TTC6: variants seen among roughly 807,000 people sequenced by gnomAD.
The protein encoded by TTC6 is tetratricopeptide repeat domain 6.
A neutral mutation model predicts 210.4 loss-of-function variants in TTC6; 172 were observed. That is an observed-to-expected ratio of 0.82 (90% CI 0.72 to 0.93). The LOEUF (loss-of-function observed/expected upper bound fraction) is 0.93, where lower values mean the gene tolerates loss of function less well. Ranked by LOEUF, TTC6 falls within the 40% of genes least tolerant of loss-of-function variation. The pLI is 0.00. For missense variants in TTC6, 2,414 were observed against 2,318.1 expected (o/e 1.04, Z -0.85); for synonymous variants, 804 against 819.6 (o/e 0.98, Z 0.32).
rs1369989584 is a variant in TTC6 at position 37,714,611 on chromosome 14, T to C, written c.1572-44T>C. On this transcript the variant is annotated intron_variant, in intron 5 of 30. Coordinates refer to ENST00000553443, the Ensembl canonical transcript of TTC6. ...ATGAGGGCAAACACCTTATACTTTG[T>C]CAATTACTTAAAAAGCAAACTTATT... 3 of 1,498,108 alleles carry C rather than the reference T, an allele frequency of 2.0e-6. No individual in the cohort carries two copies. In the Admixed American group the frequency reaches 6.1e-5, roughly 31 times the overall value. 92.8% of individuals were successfully genotyped at this position (1,498,108 alleles called of 1,614,324 possible).
At position 37,776,846 on chromosome 14, in the gene TTC6, G is replaced by A. The variant is rs1373260775; in HGVS notation, c.3267-10622G>A. 3.9e-5 allele frequency among the ~76,000 whole-genome samples: 6 copies of A among 152,008 alleles called. No individual in the cohort carries two copies. In the South Asian group the frequency reaches 6.2e-4, roughly 16 times the overall value. ...GGGCGGGCTGAGGTTGCAGTGAGCC[G>A]AGATGGCACCATTTAACTCTAGCCT... On this transcript the variant is annotated intron_variant, in intron 14 of 30. Coordinates refer to ENST00000553443, the Ensembl canonical transcript of TTC6.
At chr14:37,767,052 T>C (rs2096001645) in intron 14 of TTC6, among the ~76,000 whole-genome samples, 1 of 152,150 alleles carries the variant, frequency 6.6e-6, no homozygotes, top group Non-Finnish European at 1.5e-5. Flanking sequence ...ATGCGGTGTT[T>C]GGTTTTTTGT....
intron 14 of TTC6, among the ~76,000 whole-genome samples, chr14:37,766,314 G>A (rs926755098): frequency 6.6e-6 from 1 of 152,116 alleles, no homozygotes; most frequent in Non-Finnish European, 1.5e-5. Flanking sequence ...CATCACCAAG[G>A]TGATAAGCAC....
At chr14:37,619,166 A>G (rs2095647317), upstream of TTC6, among the ~76,000 whole-genome samples, 1 of 152,212 alleles carries the variant, frequency 6.6e-6, no homozygotes, top group East Asian at 1.9e-4. Flanking sequence ...GAAAACTGGC[A>G]ACAGATTATT....
At chr14:37,734,159 C>T (rs887799356) in intron 7 of TTC6, among the ~76,000 whole-genome samples, 3 of 152,166 alleles carry the variant, frequency 2.0e-5, no homozygotes, top group Non-Finnish European at 4.4e-5. Context: ...TATTCAGAGA[C>T]AGCTTTAATC....
At chr14:37,706,203 C>T (rs566468867) in intron 5 of TTC6, among the ~76,000 whole-genome samples, 1 of 152,238 alleles carries the variant, frequency 6.6e-6, no homozygotes, top group East Asian at 1.9e-4. Context: ...GGAAGAATGA[C>T]ATGATCAGGT....
At position 37,719,656 on chromosome 14, in the gene TTC6, A is replaced by G. The variant is rs116610950; in HGVS notation, c.1713+4860A>G. 1.1e-3 allele frequency among the ~76,000 whole-genome samples: 174 copies of G among 152,336 alleles called. 2 individuals carry two copies. Among genetic ancestry groups the G allele is most frequent in the African/African-American group, 4.1e-3 (170 of 41,584 alleles). On this transcript the variant is annotated intron_variant, in intron 6 of 30. Coordinates refer to ENST00000553443, the Ensembl canonical transcript of TTC6. ...AATCAGTTGTACATCCCTTAGCCAG[A>G]AAAAGAACCCTGACCTAAGTCTTGC...
At position 37,622,581 on chromosome 14, in the gene TTC6, G is replaced by GCGGCTCC; in HGVS notation, c.519_525dup (p.Arg176GlyfsTer161). 1 of 1,534,210 alleles carries GCGGCTCC rather than the reference G, an allele frequency of 6.5e-7. No homozygotes were observed. ...CGGGGTCTTGGAGAGCTCGCGGCAC[G>GCGGCTCC]CGGCTCCCAGGCGGGTCTTCCACTT... On this transcript the variant is annotated frameshift_variant, in exon 1 of 31. Transcript: ENST00000553443. LOFTEE classifies it high-confidence loss of function.
intron 14 of TTC6, among the ~76,000 whole-genome samples, chr14:37,769,333 G>A (rs966434235): frequency 9.9e-5 from 15 of 151,550 alleles, no homozygotes; most frequent in Admixed American, 2.6e-4. Flanking sequence ...AGTTAGGGAG[G>A]ATTCCCTCTT....
At chr14:37,641,961 C>T (rs1390412045) in intron 1 of TTC6, among the ~76,000 whole-genome samples, 2 of 152,162 alleles carry the variant, frequency 1.3e-5, no homozygotes, top group African/African-American at 4.8e-5. Context: ...ACAGCCAGTC[C>T]AGAACTGTTT....
intron 2 of TTC6, among the ~76,000 whole-genome samples, chr14:37,613,883 G>A (rs1375302544): frequency 6.6e-6 from 1 of 151,780 alleles, no homozygotes; most frequent in Non-Finnish European, 1.5e-5. Context: ...TTTAAATTTT[G>A]TTGAGATTTT....
chr14:37,789,566 A>G (rs2096074738), intron 15 of TTC6, among the ~76,000 whole-genome samples: 1 of 145,956 alleles, frequency 6.9e-6, no homozygotes, highest in Non-Finnish European at 1.5e-5. Flanking sequence ...ATTGATATTC[A>G]TTAATGGTGT....
rs1308568948 is a variant in TTC6 at position 37,806,377 on chromosome 14, CAA to C, written c.4184_4185del (p.Lys1395SerfsTer19). On this transcript the variant is annotated frameshift_variant, in exon 22 of 31. Transcript: ENST00000553443. LOFTEE classifies it high-confidence loss of function. Reference sequence around the variant, plus strand: ...CTCCTGTAGGCTTTTGATTCTTTTACAAAAGCTGTGAAAGCAAATCCAGATTT... The same window carrying C: ...CTCCTGTAGGCTTTTGATTCTTTTACAAGCTGTGAAAGCAAATCCAGATTT... The C allele has an allele frequency of 1.3e-6, 2 of 1,535,050 alleles. No individual in the cohort carries two copies. The highest frequency in any genetic ancestry group is 1.7e-6 in the Non-Finnish European group (2 of 1,146,414).
intron 14 of TTC6, among the ~76,000 whole-genome samples, chr14:37,775,038 C>T (rs2096032762): frequency 6.6e-6 from 1 of 152,112 alleles, no homozygotes; most frequent in Non-Finnish European, 1.5e-5. Context: ...TCATAGTAGT[C>T]TCAGAGGGTT....
intron 1 of TTC6, among the ~76,000 whole-genome samples, chr14:37,640,390 T>G (rs1406511954): frequency 1.3e-5 from 2 of 152,216 alleles, no homozygotes; most frequent in Non-Finnish European, 2.9e-5. Context: ...TGAATAATTT[T>G]TAAATGTTGT....
At chr14:37,783,789 C>T (rs1226720149) in intron 14 of TTC6, among the ~76,000 whole-genome samples, 1 of 152,162 alleles carries the variant, frequency 6.6e-6, no homozygotes, top group African/African-American at 2.4e-5. Flanking sequence ...TTTCCCTCTA[C>T]ACACTGCTTG....
At chr14:37,624,654 C>T (rs1361475664) in intron 1 of TTC6, among the ~76,000 whole-genome samples, 1 of 151,642 alleles carries the variant, frequency 6.6e-6, no homozygotes, top group Admixed American at 6.6e-5. Flanking sequence ...CGGAGTTTTG[C>T]TCTGTCGCTC....
At chr14:37,630,908 T>TTTTTC in intron 1 of TTC6, among the ~76,000 whole-genome samples, 1 of 21,448 alleles carries the variant, frequency 4.7e-5, no homozygotes, top group Non-Finnish European at 9.6e-5. Flanking sequence ...GCAACCCCTG[T>TTTTTC]TTTTTTTTTT....
chr14:37,678,523 G>C (rs1487151242), intron 1 of TTC6, among the ~76,000 whole-genome samples: 4 of 152,124 alleles, frequency 2.6e-5, no homozygotes, highest in African/African-American at 7.2e-5. Context: ...TCTCCACACT[G>C]TTCCTTACAA....
Sources: allele counts gnomAD v4.1 joint callset (sites outside exome capture counted in the v4.1 genomes callset), GRCh38; gene constraint gnomAD v4.1.1; transcripts MANE v1.5; gene names NCBI Gene and HGNC (gene_info 2026-07-23, HGNC 2026-07-21).